The following RAB10 variants were observed in gnomAD, a reference collection of about 807,000 sequenced individuals.
RAB10 encodes RAB10, member RAS oncogene family.
A neutral mutation model predicts 25.7 loss-of-function variants in RAB10; 5 were observed. The ratio of observed to expected loss-of-function variants is 0.19; its 90% CI spans 0.10 to 0.41. The LOEUF (loss-of-function observed/expected upper bound fraction) is 0.41, where lower values mean the gene tolerates loss of function less well. RAB10 is among the 10% of genes least tolerant of loss of function. RAB10 has a pLI of 1.00. For missense variants in RAB10, 103 were observed against 245.8 expected (o/e 0.42, Z 3.89); for synonymous variants, 89 against 86.4 (o/e 1.03, Z -0.16).
chr2:26,059,868 C>G (rs1418426632), intron 1 of RAB10, among the ~76,000 whole-genome samples: 1 of 152,132 alleles, frequency 6.6e-6, no homozygotes, highest in Non-Finnish European at 1.5e-5. Flanking sequence ...GAACTGTACA[C>G]TTAAAAATTG....
intron 1 of RAB10, among the ~76,000 whole-genome samples, chr2:26,085,006 G>A (rs187968378): frequency 1.4e-4 from 22 of 152,272 alleles, no homozygotes; most frequent in African/African-American, 4.8e-4. Context: ...TCTCTTAGTT[G>A]TAGTTGGCAA....
intron 1 of RAB10, among the ~76,000 whole-genome samples, chr2:26,076,939 A>G (rs1045339962): frequency 7.3e-5 from 11 of 149,876 alleles, no homozygotes; most frequent in Non-Finnish European, 1.3e-4. Flanking sequence ...AGCGAGGAAA[A>G]AAAAAGAGAA....
At chr2:26,093,527 C>T (rs1384127145) in intron 1 of RAB10, among the ~76,000 whole-genome samples, 1 of 152,070 alleles carries the variant, frequency 6.6e-6, no homozygotes, top group African/African-American at 2.4e-5. Context: ...ATTTAGATTG[C>T]TTAATTAAAT....
chr2:26,089,715 A>T (rs894612570), intron 1 of RAB10, among the ~76,000 whole-genome samples: 1 of 152,206 alleles, frequency 6.6e-6, no homozygotes, highest in African/African-American at 2.4e-5. Flanking sequence ...CTTTAAAAAA[A>T]CCTAGTCTTA....
At chr2:26,129,190 A>G (rs1485417549) in intron 5 of RAB10, among the ~76,000 whole-genome samples, 1 of 151,252 alleles carries the variant, frequency 6.6e-6, no homozygotes, top group African/African-American at 2.4e-5. Flanking sequence ...GAATCCCTTG[A>G]ACCAGGGAGT....
chr2:26,047,145 A>G (rs893037915), intron 1 of RAB10, among the ~76,000 whole-genome samples: 3 of 152,166 alleles, frequency 2.0e-5, no homozygotes, highest in African/African-American at 7.2e-5. Context: ...AGGTTCATGT[A>G]TCCACCACCA....
intron 5 of RAB10, among the ~76,000 whole-genome samples, chr2:26,134,024 TAAG>T (rs1468386901): frequency 6.6e-6 from 1 of 152,206 alleles, no homozygotes; most frequent in East Asian, 1.9e-4. Context: ...AGAATTATAC[TAAG>T]AATAAAATTA....
intron 3 of RAB10, among the ~76,000 whole-genome samples, chr2:26,117,627 A>AC (rs1667718739): frequency 6.8e-6 from 1 of 146,612 alleles, no homozygotes; most frequent in Admixed American, 6.8e-5. Context: ...CTCAAAAAAA[A>AC]AAAAAAAACA....
At chr2:26,062,741 A>G (rs1196362398) in intron 1 of RAB10, among the ~76,000 whole-genome samples, 1 of 152,126 alleles carries the variant, frequency 6.6e-6, no homozygotes, top group Non-Finnish European at 1.5e-5. Context: ...TGGCTTAAAC[A>G]ACAACAAAAA....
intron 1 of RAB10, among the ~76,000 whole-genome samples, chr2:26,067,462 A>G (rs1451185417): frequency 6.6e-6 from 1 of 152,102 alleles, no homozygotes. Flanking sequence ...TACTGATCTC[A>G]CTGACAGTAT....
chr2:26,042,084 G>A (rs1052069640), intron 1 of RAB10, among the ~76,000 whole-genome samples: 9 of 152,124 alleles, frequency 5.9e-5, no homozygotes, highest in African/African-American at 2.2e-4. Context: ...TGTCCCCAAA[G>A]CACAAGCTTT....
intron 1 of RAB10, among the ~76,000 whole-genome samples, chr2:26,063,685 A>G (rs1018978249): frequency 1.3e-5 from 2 of 152,246 alleles, no homozygotes; most frequent in African/African-American, 2.4e-5. Context: ...ATTCAGGATC[A>G]TGCATTGAAT....
intron 1 of RAB10, 26 bp downstream of exon 1, chr2:26,034,761 C>T (rs1453984681): frequency 2.5e-6 from 4 of 1,612,940 alleles, no homozygotes; most frequent in Non-Finnish European, 3.4e-6. Flanking sequence ...GGACGGTGTA[C>T]GGTCTCGGTA....
intron 2 of RAB10, among the ~76,000 whole-genome samples, chr2:26,103,699 T>C (rs1392133852): frequency 6.6e-6 from 1 of 152,180 alleles, no homozygotes; most frequent in African/African-American, 2.4e-5. Flanking sequence ...TCAGAACATT[T>C]TTATCTCCCC....
At chr2:26,079,248 A>G (rs1372360118) in intron 1 of RAB10, among the ~76,000 whole-genome samples, 4 of 151,694 alleles carry the variant, frequency 2.6e-5, no homozygotes, top group African/African-American at 7.3e-5. Flanking sequence ...ACATACATGT[A>G]TTTTATTCTA....
intron 1 of RAB10, among the ~76,000 whole-genome samples, chr2:26,085,621 AAAAAG>A (rs1666960712): frequency 1.3e-5 from 2 of 152,282 alleles, no homozygotes; most frequent in East Asian, 3.9e-4. Context: ...CCAGCTCTAA[AAAAAG>A]AAAAGAAGTA....
At chr2:26,100,105 G>A (rs76565039) in intron 2 of RAB10, among the ~76,000 whole-genome samples, 1 of 152,028 alleles carries the variant, frequency 6.6e-6, no homozygotes, top group Non-Finnish European at 1.5e-5. Flanking sequence ...TGTTGCCCAG[G>A]GCTAAAAATA....
intron 2 of RAB10, among the ~76,000 whole-genome samples, chr2:26,107,668 C>T (rs923429765): frequency 2.6e-5 from 4 of 151,710 alleles, no homozygotes; most frequent in East Asian, 1.9e-4. Context: ...TGGTGGTGGG[C>T]GCCTGTGATC....
chr2:26,034,797 G>T, intron 1 of RAB10, 62 bp downstream of exon 1: 1 of 1,590,240 alleles, frequency 6.3e-7, no homozygotes, highest in South Asian at 1.1e-5. Flanking sequence ...TTTTACTCCA[G>T]ACATCTTGCT....
Sources: allele counts gnomAD v4.1 joint callset (sites outside exome capture counted in the v4.1 genomes callset), GRCh38; gene constraint gnomAD v4.1.1; transcripts MANE v1.5; gene names NCBI Gene and HGNC (gene_info 2026-07-23, HGNC 2026-07-21).